TBCK: variants seen among roughly 807,000 people sequenced by gnomAD.
TBCK encodes TBC domain-containing protein kinase-like protein.
Under a neutral mutation model 113.4 loss-of-function variants are expected in TBCK, and 99 were observed. The observed-to-expected ratio is 0.87, with a 90% CI of 0.74 to 1.03. The LOEUF (loss-of-function observed/expected upper bound fraction) is 1.03, where lower values mean the gene tolerates loss of function less well. Among genes scored for constraint, TBCK ranks in the 50% least tolerant of loss-of-function variants. The pLI is 0.00. For missense variants in TBCK, 1,045 were observed against 1,061.3 expected, an observed-to-expected ratio of 0.98 and a Z score of 0.21; for synonymous variants, 369 against 370.8, an observed-to-expected ratio of 1.00 and a Z score of 0.05.
intron 25 of TBCK, among the ~76,000 whole-genome samples, chr4:106,063,513 A>G (rs1031102731): frequency 6.6e-6 from 1 of 151,784 alleles, no homozygotes; most frequent in Non-Finnish European, 1.5e-5. Flanking sequence ...AGTTATTTTG[A>G]CTCTTTTGAA....
intron 11 of TBCK, among the ~76,000 whole-genome samples, chr4:106,243,095 C>A (rs1760360056): frequency 6.6e-6 from 1 of 151,990 alleles, no homozygotes; most frequent in Non-Finnish European, 1.5e-5. Flanking sequence ...GCCACATATA[C>A]ATAAACATAT....
At chr4:106,153,650 G>T (rs557542551) in intron 23 of TBCK, among the ~76,000 whole-genome samples, 2 of 152,214 alleles carry the variant, frequency 1.3e-5, no homozygotes, top group East Asian at 3.9e-4. Flanking sequence ...TGTATCCAGT[G>T]CTGAAACAAG....
At chr4:106,243,319 G>A (rs1030144843) in intron 11 of TBCK, among the ~76,000 whole-genome samples, 7 of 151,994 alleles carry the variant, frequency 4.6e-5, no homozygotes, top group Admixed American at 2.6e-4. Context: ...AACTTTATAC[G>A]TGTAGAAAAA....
chr4:106,050,269 T>C (rs1303186863), intron 25 of TBCK, among the ~76,000 whole-genome samples: 1 of 151,908 alleles, frequency 6.6e-6, no homozygotes, highest in Non-Finnish European at 1.5e-5. Flanking sequence ...AAATCCACCA[T>C]GATGGTAGGT....
chr4:106,113,150 C>T (rs915760039), intron 24 of TBCK, among the ~76,000 whole-genome samples: 3 of 152,262 alleles, frequency 2.0e-5, no homozygotes, highest in East Asian at 3.9e-4. Context: ...GGGTGGCCTA[C>T]AAAAATTAAA....
chr4:106,257,678 A>C (rs1762134255), intron 5 of TBCK, among the ~76,000 whole-genome samples: 1 of 152,052 alleles, frequency 6.6e-6, no homozygotes, highest in African/African-American at 2.4e-5. Flanking sequence ...TGAATGTGTG[A>C]TATCTCTAGA....
intron 24 of TBCK, among the ~76,000 whole-genome samples, chr4:106,112,342 A>G (rs762749258): frequency 2.0e-5 from 3 of 152,208 alleles, no homozygotes; most frequent in Non-Finnish European, 4.4e-5. Context: ...TCCTGCTGAC[A>G]AACTCCTTCA....
intron 20 of TBCK, among the ~76,000 whole-genome samples, chr4:106,210,735 T>C (rs1247814828): frequency 6.6e-6 from 1 of 152,172 alleles, no homozygotes; most frequent in Non-Finnish European, 1.5e-5. Context: ...AGTGATAATA[T>C]TTAAAGAGGG....
intron 20 of TBCK, among the ~76,000 whole-genome samples, chr4:106,199,679 A>G (rs1754663810): frequency 6.6e-6 from 1 of 152,046 alleles, no homozygotes; most frequent in Non-Finnish European, 1.5e-5. Flanking sequence ...TCCCCTTTCA[A>G]TTGCTCAGGT....
intron 24 of TBCK, among the ~76,000 whole-genome samples, chr4:106,101,472 C>T (rs1741541455): frequency 6.6e-6 from 1 of 152,132 alleles, no homozygotes; most frequent in African/African-American, 2.4e-5. Context: ...TCATGAGTAT[C>T]TTTAAATTGC....
At position 106,140,027 on chromosome 4, in the gene TBCK, T is replaced by C. The variant is rs990550954; in HGVS notation, c.2236-23649A>G. ...TATAATAAGTGAATTGTAATAGATG[T>C]ATATAATAGATGAATTGTAATAGAT... On this transcript the variant is annotated intron_variant, in intron 23 of 25. Coordinates refer to ENST00000394708, the MANE Select transcript of TBCK (RefSeq NM_001163435.3). Among the ~76,000 whole-genome samples the C allele has an allele frequency of 4.2e-5, 6 of 141,266 alleles. 1 individual carries two copies. Among genetic ancestry groups the C allele is most frequent in the African/African-American group, 1.5e-4 (6 of 40,188 alleles). 92.7% of individuals were successfully genotyped at this position (141,266 alleles called of 152,430 possible). A position where few individuals can be genotyped will look rare whatever the true frequency, so the allele number is the denominator to read the frequency against.
chr4:106,299,334 CACTG>C (rs1185478229), intron 2 of TBCK, among the ~76,000 whole-genome samples: 4 of 152,162 alleles, frequency 2.6e-5, no homozygotes, highest in African/African-American at 9.7e-5. Flanking sequence ...AACTCAGTAG[CACTG>C]ACTTTCATGT....
At chr4:106,153,101 G>A (rs1748697179) in intron 23 of TBCK, among the ~76,000 whole-genome samples, 1 of 151,676 alleles carries the variant, frequency 6.6e-6, no homozygotes, top group African/African-American at 2.4e-5. Context: ...TTTTCTTCTA[G>A]TAATTTTGGG....
chr4:106,119,373 C>T (rs1247455754), intron 23 of TBCK, among the ~76,000 whole-genome samples: 3 of 152,140 alleles, frequency 2.0e-5, no homozygotes, highest in East Asian at 1.9e-4. Context: ...TTACAGCCAA[C>T]TGATTCTTGA....
intron 3 of TBCK, among the ~76,000 whole-genome samples, chr4:106,283,149 G>C (rs1369741121): frequency 2.0e-5 from 3 of 151,788 alleles, no homozygotes; most frequent in Admixed American, 6.6e-5. Context: ...AAAGATAATA[G>C]GGAAATATTC....
At chr4:106,060,150 A>G (rs1025320834) in intron 25 of TBCK, among the ~76,000 whole-genome samples, 1 of 20,854 alleles carries the variant, frequency 4.8e-5, no homozygotes, top group Non-Finnish European at 1.4e-4. Flanking sequence ...ACTAATGGAG[A>G]AACTGCAGTT....
chr4:106,167,258 C>A (rs1326305161), intron 23 of TBCK, among the ~76,000 whole-genome samples: 3 of 148,554 alleles, frequency 2.0e-5, no homozygotes, highest in African/African-American at 7.4e-5. Flanking sequence ...AGCTATTAGT[C>A]TTAGAGAATC....
At chr4:106,075,313 T>C (rs1738047561) in intron 25 of TBCK, among the ~76,000 whole-genome samples, 1 of 152,338 alleles carries the variant, frequency 6.6e-6, no homozygotes, top group South Asian at 2.1e-4. Context: ...TAATGTTGGA[T>C]TGAAGCATAC....
At chr4:106,139,617 A>T (rs1214702772) in intron 23 of TBCK, among the ~76,000 whole-genome samples, 3 of 141,266 alleles carry the variant, frequency 2.1e-5, no homozygotes, top group African/African-American at 7.5e-5. Flanking sequence ...TCTTTTAAAT[A>T]GGAGAAAAAA....
Sources: allele counts gnomAD v4.1 joint callset (sites outside exome capture counted in the v4.1 genomes callset), GRCh38; gene constraint gnomAD v4.1.1; transcripts MANE v1.5; gene names NCBI Gene and HGNC (gene_info 2026-07-23, HGNC 2026-07-21).